ZNF385D: variants seen among roughly 807,000 people sequenced by gnomAD.
ZNF385D encodes zinc finger protein 385D, also known as zinc finger protein 659.
A neutral mutation model predicts 35.8 loss-of-function variants in ZNF385D; 15 were observed. That is an observed-to-expected ratio of 0.42 (90% CI 0.28 to 0.64). The LOEUF (loss-of-function observed/expected upper bound fraction) is 0.64. Ranked by LOEUF, ZNF385D falls within the 30% of genes least tolerant of loss-of-function variation. The pLI is 0.23. For synonymous variants in ZNF385D, 212 were observed against 186.8 expected (o/e 1.13, Z -1.10); for missense variants, 474 against 494.6 (o/e 0.96, Z 0.39).
At chr3:22,266,648 T>A (rs1419717594) in intron 2 of ZNF385D, among the ~76,000 whole-genome samples, 1 of 151,988 alleles carries the variant, frequency 6.6e-6, no homozygotes, top group African/African-American at 2.4e-5. Flanking sequence ...CGATAGACAC[T>A]GTGCAATGGA....
Position 21,638,152 on chromosome 3 carries a change from C to T in ZNF385D, c.165+26734G>A, listed in dbSNP as rs1325307088. 1.3e-5 allele frequency among the ~76,000 whole-genome samples: 2 copies of T among 152,012 alleles called. 1 individual carries two copies. The highest frequency in any genetic ancestry group is 4.8e-5 in the African/African-American group (2 of 41,398). ...ACAAATATGAACAAATTCAAGAAAA[C>T]AGACAACATTTAGGAAAATACAAAT... On this transcript the variant is annotated intron_variant, in intron 2 of 7. Coordinates refer to ENST00000281523, the MANE Select transcript of ZNF385D (RefSeq NM_024697.3).
At chr3:22,047,769 G>A (rs1166255684) in intron 3 of ZNF385D, among the ~76,000 whole-genome samples, 1 of 152,108 alleles carries the variant, frequency 6.6e-6, no homozygotes, top group African/African-American at 2.4e-5. Context: ...ACCCAGAAGT[G>A]GGATTGCCAA....
chr3:22,104,880 AT>A (rs778817583), intron 3 of ZNF385D, among the ~76,000 whole-genome samples: 1 of 152,156 alleles, frequency 6.6e-6, no homozygotes, highest in Non-Finnish European at 1.5e-5. Context: ...TCTCCAGGGA[AT>A]ACAGTGACTG....
chr3:21,998,190 AT>A (rs1288741460), intron 3 of ZNF385D, among the ~76,000 whole-genome samples: 2 of 152,178 alleles, frequency 1.3e-5, no homozygotes, highest in East Asian at 3.9e-4. Context: ...CCTACCCCTT[AT>A]TTAGCATATA....
At chr3:21,699,034 C>A (rs1306585913) in intron 1 of ZNF385D, among the ~76,000 whole-genome samples, 4 of 152,126 alleles carry the variant, frequency 2.6e-5, no homozygotes, top group African/African-American at 9.7e-5. Context: ...AAGACACATG[C>A]ACATGTATGT....
chr3:21,911,275 A>G (rs528337574), intron 3 of ZNF385D, among the ~76,000 whole-genome samples: 1 of 152,114 alleles, frequency 6.6e-6, no homozygotes, highest in Non-Finnish European at 1.5e-5. Context: ...TCATTTTAAT[A>G]TTTAGCACAT....
rs111749384 is a variant in ZNF385D, at chr3:21,640,526, G to T, written c.165+24360C>A. Among the ~76,000 whole-genome samples the T allele has an allele frequency of 4.8e-3, 730 of 152,134 alleles. 2 individuals are homozygous for T. The highest frequency in any genetic ancestry group is 8.2e-3 in the Non-Finnish European group (560 of 67,956). On this transcript the variant is annotated intron_variant, in intron 2 of 7. Coordinates refer to ENST00000281523, the MANE Select transcript of ZNF385D (RefSeq NM_024697.3). ...TAGGTTTAGAGGCAATCAGGAGGGTGGAGCCCCCATGACAAGATTAGTGCC... is the reference window on the plus strand; with the variant it reads ...TAGGTTTAGAGGCAATCAGGAGGGTTGAGCCCCCATGACAAGATTAGTGCC...
rs191575524 is a variant in ZNF385D at position 22,313,994 on chromosome 3, C to T, written c.106+58456G>A. ...CATAAGTTCTGATCTGCATTTGTTG[C>T]AGATTCCAGTCCTTCTGGAAATGGC... On this transcript the variant is annotated intron_variant, in intron 2 of 5. Coordinates refer to the ZNF385D transcript ENST00000494108. 5.2e-3 allele frequency among the ~76,000 whole-genome samples: 797 copies of T among 152,244 alleles called. 8 individuals carry two copies. The highest frequency in any genetic ancestry group is 4.7e-3 in the Non-Finnish European group (323 of 68,020).
intron 3 of ZNF385D, among the ~76,000 whole-genome samples, chr3:21,548,924 A>G (rs2125590502): frequency 1.3e-5 from 2 of 152,338 alleles, no homozygotes; most frequent in Non-Finnish European, 2.9e-5. Flanking sequence ...CTCAACCTAT[A>G]CAATGTACAA....
rs567292856 is a variant in ZNF385D, at chr3:22,350,210, G to C, written c.106+22240C>G. Among the ~76,000 whole-genome samples the C allele has an allele frequency of 2.0e-5, 3 of 152,198 alleles. No individual in the cohort carries two copies. The South Asian group carries it at 6.2e-4, about 32-fold the overall frequency. The stretch of plus-strand genomic sequence containing the variant: ...GAAAAATTCATAACTGTTTCAACAT[G>C]TTAATATTAGTTGCTTATAACTGTG... On this transcript the variant is annotated intron_variant, in intron 2 of 5. Coordinates refer to the ZNF385D transcript ENST00000494108.
At chr3:21,425,698 GA>G in intron 5 of ZNF385D, 28 bp from the exon 6 acceptor site, 2 of 1,472,458 alleles carry the variant, frequency 1.4e-6, no homozygotes, top group Non-Finnish European at 1.8e-6. Context: ...ATGAAGGAAG[GA>G]AAGGAGGGAG....
intron 3 of ZNF385D, among the ~76,000 whole-genome samples, chr3:22,114,662 T>G (rs1282450845): frequency 6.6e-6 from 1 of 152,056 alleles, no homozygotes; most frequent in African/African-American, 2.4e-5. Context: ...TATCTCAGAG[T>G]TCTCCCAGGT....
At chr3:21,838,625 T>A (rs1043272264) in intron 3 of ZNF385D, among the ~76,000 whole-genome samples, 4 of 152,154 alleles carry the variant, frequency 2.6e-5, no homozygotes, top group Admixed American at 6.5e-5. Flanking sequence ...AAGGTCACGG[T>A]TTTTTATGTT....
chr3:21,897,604 G>C (rs530582376), intron 3 of ZNF385D, among the ~76,000 whole-genome samples: 23 of 152,212 alleles, frequency 1.5e-4, no homozygotes, highest in African/African-American at 4.8e-4. Context: ...GACAGTGACT[G>C]AGCAAGAGGA....
At chr3:22,227,999 C>T (rs1334630791) in intron 2 of ZNF385D, among the ~76,000 whole-genome samples, 3 of 152,228 alleles carry the variant, frequency 2.0e-5, no homozygotes, top group South Asian at 2.1e-4. Flanking sequence ...AGCCAAGAAC[C>T]CGCCTAAACT....
At chr3:21,722,641 A>C (rs1344874109) in intron 1 of ZNF385D, among the ~76,000 whole-genome samples, 1 of 152,176 alleles carries the variant, frequency 6.6e-6, no homozygotes, top group African/African-American at 2.4e-5. Flanking sequence ...TGAACATTCC[A>C]TGTCTCACAC....
chr3:21,846,778 C>T (rs921242970), intron 3 of ZNF385D, among the ~76,000 whole-genome samples: 4 of 151,904 alleles, frequency 2.6e-5, no homozygotes, highest in Non-Finnish European at 5.9e-5. Flanking sequence ...CTTAATGGTG[C>T]GCCCAGGAGA....
chr3:22,185,312 G>A lies in ZNF385D; in HGVS notation c.107-16277C>T, dbSNP rs192298957. On this transcript the variant is annotated intron_variant, in intron 2 of 5. Transcript: ENST00000494108. ...TTAGATATAATATTGTGTCATACTC[G>A]TTTGTAATTCAATGGTGCTCGTTAG... Among the ~76,000 whole-genome samples, 207 of 152,286 alleles carry A rather than the reference G, an allele frequency of 1.4e-3. 1 individual carries two copies. Among genetic ancestry groups the A allele is most frequent in the African/African-American group, 4.6e-3 (192 of 41,556 alleles).
chr3:22,182,894 T>C (rs2125781934), intron 2 of ZNF385D, among the ~76,000 whole-genome samples: 1 of 152,222 alleles, frequency 6.6e-6, no homozygotes, highest in South Asian at 2.1e-4. Context: ...TTGTTATATT[T>C]ATATTTTGCA....
Sources: gnomAD v4.1 joint callset for allele counts (sites outside exome capture counted in the v4.1 genomes callset) on GRCh38, gnomAD v4.1.1 for gene constraint, MANE v1.5 for transcripts, NCBI Gene and HGNC (gene_info 2026-07-23, HGNC 2026-07-21) for gene names.